The following HADHA variants were observed in gnomAD, a reference collection of about 807,000 sequenced individuals.
The protein encoded by HADHA is trifunctional enzyme subunit alpha, mitochondrial.
In HADHA, 59 loss-of-function variants were observed where a neutral mutation model predicts 91.3. The ratio of observed to expected loss-of-function variants is 0.65; its 90% CI spans 0.52 to 0.80. The LOEUF is 0.80. Ranked by LOEUF, HADHA falls within the 30% of genes least tolerant of loss-of-function variation. The pLI is 0.00. For missense variants in HADHA, 800 were observed against 927.6 expected, an observed-to-expected ratio of 0.86 and a Z score of 1.79; for synonymous variants, 320 against 338.9, an observed-to-expected ratio of 0.94 and a Z score of 0.61.
At chr2:26,220,352 G>C (rs1362132761) in intron 7 of HADHA, among the ~76,000 whole-genome samples, 2 of 152,204 alleles carry the variant, frequency 1.3e-5, no homozygotes, top group African/African-American at 4.8e-5. Flanking sequence ...TGGTGGGAAA[G>C]GCCAAGTAAA....
chr2:26,198,198 CA>C (rs1157028357), intron 13 of HADHA, among the ~76,000 whole-genome samples: 3 of 152,030 alleles, frequency 2.0e-5, no homozygotes, highest in African/African-American at 7.2e-5. Flanking sequence ...AAGAACAAGC[CA>C]AAATGTGCAT....
chr2:26,238,051 AGG>A (rs1670802573), intron 3 of HADHA, among the ~76,000 whole-genome samples: 1 of 152,246 alleles, frequency 6.6e-6, no homozygotes, highest in Admixed American at 6.5e-5. Context: ...TCTGTGGCCC[AGG>A]CTGGAGTGCA....
chr2:26,219,995 G>A (rs374841435), intron 7 of HADHA, among the ~76,000 whole-genome samples: 8 of 152,286 alleles, frequency 5.3e-5, no homozygotes, highest in African/African-American at 1.9e-4. Flanking sequence ...GTCCTCTTGA[G>A]GAGACTTTCC....
Position 26,230,294 on chromosome 2 carries a change from C to T in HADHA, c.574G>A (p.Val192Met). ...AGGTQRLPKM[V>M]GVPAALDMML... is the part of the protein sequence containing the mutation. ...ATGTCCAAAGCAGCAGGCACACCCACCTAACAGGCAAGCAAGGATGAGAAT... is the reference window on the plus strand; with the variant it reads ...ATGTCCAAAGCAGCAGGCACACCCATCTAACAGGCAAGCAAGGATGAGAAT... The change falls in exon 7 of 20, where the codon GTG (valine) becomes ATG (methionine). Residue 192 changes from valine to methionine, a missense_variant and splice_region_variant. Val to Met is a conservative substitution (Grantham distance 21). Coordinates refer to ENST00000380649, the MANE Select transcript of HADHA (RefSeq NM_000182.5). 1 of 1,597,294 alleles carries T rather than the reference C, an allele frequency of 6.3e-7. No individual in the cohort carries two copies. The highest frequency in any genetic ancestry group is 1.1e-5 in the South Asian group (1 of 90,752).
intron 1 of HADHA, 149 bp downstream of exon 1, chr2:26,244,381 G>A (rs1671020339): frequency 3.7e-6 from 3 of 806,596 alleles, no homozygotes; most frequent in Non-Finnish European, 6.3e-6. Flanking sequence ...AAGGTCACGG[G>A]AAACCGGGTC....
intron 7 of HADHA, among the ~76,000 whole-genome samples, chr2:26,219,204 C>G (rs1177156746): frequency 2.0e-5 from 3 of 150,890 alleles, no homozygotes; most frequent in African/African-American, 7.3e-5. Flanking sequence ...TCTCGGCTCA[C>G]TGCAACCTCC....
intron 9 of HADHA, among the ~76,000 whole-genome samples, chr2:26,213,453 CT>C (rs889969880): frequency 3.3e-5 from 5 of 152,234 alleles, no homozygotes; most frequent in African/African-American, 4.8e-5. Flanking sequence ...CAGCTTCAAT[CT>C]GCCTTTCTTC....
At position 26,225,565 on chromosome 2, in the gene HADHA, T is replaced by C. The variant is rs575447254; in HGVS notation, c.676+4627A>G. ...TAATATATGACAACAAAATGGAGTT[T>C]ATTCCAAGAAGCAAGGCTAGTTCAA... On this transcript the variant is annotated intron_variant, in intron 7 of 19. Coordinates refer to ENST00000380649, the MANE Select transcript of HADHA (RefSeq NM_000182.5). Among the ~76,000 whole-genome samples the C allele has an allele frequency of 8.7e-4, 132 of 152,254 alleles. No homozygotes were observed. The South Asian group carries it at 0.027, about 32-fold the overall frequency.
At position 26,238,923 on chromosome 2, in the gene HADHA, A is replaced by G; in HGVS notation, c.180+11T>C. 6.4e-7 allele frequency: 1 copy of G among 1,570,074 alleles called. No homozygotes were observed. Among genetic ancestry groups the G allele is most frequent in the Non-Finnish European group, 8.8e-7 (1 of 1,141,394 alleles). ...GGTTAGCAGAAAAAAACTGCAAATT[A>G]AATGAGATACCTTTGAATTGGGAGA... On this transcript the variant is annotated intron_variant, in intron 3 of 19. Transcript: ENST00000380649.
At chr2:26,241,314 CA>C (rs1670881862) in intron 1 of HADHA, among the ~76,000 whole-genome samples, 1 of 151,944 alleles carries the variant, frequency 6.6e-6, no homozygotes, top group Non-Finnish European at 1.5e-5. Flanking sequence ...AAGTGAGAAT[CA>C]AATTTAAAAA....
At chr2:26,211,048 A>T (rs1670088372) in intron 10 of HADHA, among the ~76,000 whole-genome samples, 1 of 152,252 alleles carries the variant, frequency 6.6e-6, no homozygotes. Flanking sequence ...TAATCTTGAT[A>T]CAGGATGTTT....
rs370853849 is a variant in HADHA, at chr2:26,229,822, G to C, written c.676+370C>G. Among the ~76,000 whole-genome samples the C allele has an allele frequency of 6.6e-6, 1 of 152,120 alleles. No individual in the cohort carries two copies. Among genetic ancestry groups the C allele is most frequent in the African/African-American group, 2.4e-5 (1 of 41,438 alleles). ...TCTCTGTGCTTCCTGTGATATTCAAGAGGTTAACTGTTTTTTCTTTTGAGA... is the reference window on the plus strand; with the variant it reads ...TCTCTGTGCTTCCTGTGATATTCAACAGGTTAACTGTTTTTTCTTTTGAGA... On this transcript the variant is annotated intron_variant, in intron 7 of 19. Coordinates refer to ENST00000380649, the MANE Select transcript of HADHA (RefSeq NM_000182.5). The surrounding 1 kb of genome is among the most constrained non-coding windows in gnomAD (Gnocchi z 4.3).
At chr2:26,223,239 T>G (rs867708340) in intron 7 of HADHA, among the ~76,000 whole-genome samples, 1 of 152,318 alleles carries the variant, frequency 6.6e-6, no homozygotes, top group Middle Eastern at 3.4e-3. Flanking sequence ...CTGTACTGGC[T>G]GGGGTGATTA....
intron 7 of HADHA, among the ~76,000 whole-genome samples, chr2:26,223,949 A>G (rs2147775798): frequency 6.6e-6 from 1 of 152,120 alleles, no homozygotes; most frequent in African/African-American, 2.4e-5. Flanking sequence ...GTTTTGCCAT[A>G]TTGGCCAGGC....
rs921935991 is a variant in HADHA at position 26,210,351 on chromosome 2, G to T, written c.976-462C>A. On this transcript the variant is annotated intron_variant, in intron 10 of 19. Transcript: ENST00000380649. This position sits in a 1 kb window ranked among gnomAD's most constrained non-coding sequence, Gnocchi z 4.0. The stretch of plus-strand genomic sequence containing the variant: ...CAAGACAGTATGACTCTGAACTCCA[G>T]TTCTTTTTTTTTGAGATGGAGTCTC... Among the ~76,000 whole-genome samples the T allele has an allele frequency of 6.6e-6, 1 of 152,146 alleles. No homozygotes were observed. Among genetic ancestry groups the T allele is most frequent in the Non-Finnish European group, 1.5e-5 (1 of 68,018 alleles).
At chr2:26,208,370 T>C (rs1366278812) in intron 11 of HADHA, among the ~76,000 whole-genome samples, 2 of 152,184 alleles carry the variant, frequency 1.3e-5, no homozygotes, top group Non-Finnish European at 2.9e-5. Context: ...AAGGGGTATT[T>C]TATTGTTACA....
chr2:26,200,190 C>T (rs1420438225), intron 13 of HADHA, among the ~76,000 whole-genome samples: 2 of 152,116 alleles, frequency 1.3e-5, no homozygotes, highest in Non-Finnish European at 2.9e-5. Flanking sequence ...CTCTGTGGTA[C>T]TCTTATTTTT....
chr2:26,209,657 A>T, intron 11 of HADHA, 123 bp downstream of exon 11: 1 of 732,608 alleles, frequency 1.4e-6, no homozygotes, highest in Admixed American at 2.0e-5. Context: ...AAATGTGCTC[A>T]GGAAAGAAGT....
chr2:26,218,965 C>T (rs1670302272), intron 7 of HADHA, among the ~76,000 whole-genome samples: 3 of 138,814 alleles, frequency 2.2e-5, no homozygotes, highest in Admixed American at 1.5e-4. Context: ...CAAGATCACA[C>T]CATTGCACTC....
Sources: gnomAD v4.1 joint callset for allele counts (sites outside exome capture counted in the v4.1 genomes callset) on GRCh38, gnomAD v4.1.1 for gene constraint, Gnocchi (gnomAD v3.1) non-coding constraint, MANE v1.5 for transcripts, NCBI Gene and HGNC (gene_info 2026-07-23, HGNC 2026-07-21) for gene names.